IMMP2L: variants seen among roughly 807,000 people sequenced by gnomAD.
IMMP2L encodes mitochondrial inner membrane protease subunit 2.
A neutral mutation model predicts 19.3 loss-of-function variants in IMMP2L; 18 were observed. The ratio of observed to expected loss-of-function variants is 0.93; its 90% CI spans 0.64 to 1.38. The LOEUF (loss-of-function observed/expected upper bound fraction) is 1.38. Among genes scored for constraint, IMMP2L ranks in the 40% most tolerant of loss-of-function variants. The pLI is 0.00. For synonymous variants in IMMP2L, 76 were observed against 73.0 expected (o/e 1.04, Z -0.21); for missense variants, 233 against 218.2 (o/e 1.07, Z -0.43).
intron 4 of IMMP2L, among the ~76,000 whole-genome samples, chr7:110,923,050 C>T (rs551372264): frequency 6.6e-6 from 1 of 152,216 alleles, no homozygotes; most frequent in East Asian, 1.9e-4. Context: ...GTGCCTATGG[C>T]TAGGCCCCAG....
intron 3 of IMMP2L, among the ~76,000 whole-genome samples, chr7:111,166,568 G>C (rs371297062): frequency 6.6e-6 from 1 of 151,820 alleles, no homozygotes; most frequent in Non-Finnish European, 1.5e-5. Flanking sequence ...TGGTTAATTC[G>C]TGCCCCACAC....
intron 4 of IMMP2L, among the ~76,000 whole-genome samples, chr7:110,936,173 G>A (rs1220545120): frequency 2.0e-5 from 3 of 152,074 alleles, no homozygotes; most frequent in Admixed American, 1.3e-4. Flanking sequence ...CAAAAGCAAT[G>A]GCAACAGAAG....
At chr7:110,915,282 C>T (rs1262158199) in intron 4 of IMMP2L, among the ~76,000 whole-genome samples, 2 of 152,126 alleles carry the variant, frequency 1.3e-5, no homozygotes, top group Non-Finnish European at 2.9e-5. Flanking sequence ...TATTATTCAG[C>T]CATAAAAAAG....
At chr7:110,805,219 A>G (rs970946698) in intron 5 of IMMP2L, among the ~76,000 whole-genome samples, 3 of 152,146 alleles carry the variant, frequency 2.0e-5, no homozygotes, top group Admixed American at 1.3e-4. Flanking sequence ...ATAAATTAAC[A>G]TTTAATAGAA....
chr7:111,059,923 GAA>G (rs36062072), intron 3 of IMMP2L, among the ~76,000 whole-genome samples: 35 of 138,046 alleles, frequency 2.5e-4, no homozygotes, highest in East Asian at 1.1e-3. Context: ...GCCTAATTGT[GAA>G]AAAAAAAAAA....
chr7:111,343,925 T>C (rs1827278153), intron 3 of IMMP2L, among the ~76,000 whole-genome samples: 1 of 152,092 alleles, frequency 6.6e-6, no homozygotes, highest in South Asian at 2.1e-4. Context: ...ATCGTGGTCA[T>C]TGTTTCTTCT....
chr7:111,475,409 CT>C (rs971290702), intron 3 of IMMP2L, among the ~76,000 whole-genome samples: 18 of 148,442 alleles, frequency 1.2e-4, no homozygotes, highest in African/African-American at 2.7e-4. Flanking sequence ...AAAACAGTGC[CT>C]TTTTTTTTTC....
Position 110,930,175 on chromosome 7 carries a change from G to A in IMMP2L, c.305+33325C>T, listed in dbSNP as rs564768107. 1.6e-4 allele frequency among the ~76,000 whole-genome samples: 25 copies of A among 152,256 alleles called. No individual in the cohort carries two copies. In the East Asian group the frequency reaches 3.1e-3, roughly 19 times the overall value. On this transcript the variant is annotated intron_variant, in intron 4 of 5. Transcript: ENST00000405709. ...AACAATGAAACTTCATTATTCTGCTGAAGCCTTTACTTCCTTTTCATATGT... is the reference window on the plus strand; with the variant it reads ...AACAATGAAACTTCATTATTCTGCTAAAGCCTTTACTTCCTTTTCATATGT...
rs1434447358 is a variant in IMMP2L at position 110,758,737 on chromosome 7, C to G, written c.409-95016G>C. ...CACTGATGAGCTCCAAGACCCCAGA[C>G]AAAAACATCCAACCTTTGTGAGACT... On this transcript the variant is annotated intron_variant, in intron 5 of 5. Coordinates refer to ENST00000405709, the MANE Select transcript of IMMP2L (RefSeq NM_032549.4). This position sits in a 1 kb window ranked among gnomAD's most constrained non-coding sequence, Gnocchi z 4.6. 6.6e-6 allele frequency among the ~76,000 whole-genome samples: 1 copy of G among 152,118 alleles called. No homozygotes were observed. Among genetic ancestry groups the G allele is most frequent in the Non-Finnish European group, 1.5e-5 (1 of 68,016 alleles).
chr7:110,840,909 A>C (rs1805017370), intron 5 of IMMP2L, among the ~76,000 whole-genome samples: 1 of 152,072 alleles, frequency 6.6e-6, no homozygotes, highest in African/African-American at 2.4e-5. Flanking sequence ...TATTAATTAT[A>C]CATTTTGGCA....
intron 4 of IMMP2L, among the ~76,000 whole-genome samples, chr7:110,947,719 T>C (rs1704944122): frequency 6.6e-6 from 1 of 152,152 alleles, no homozygotes; most frequent in Admixed American, 6.5e-5. Flanking sequence ...CTTTTTGATG[T>C]ATGTAAAATT....
chr7:111,443,686 C>T (rs1837981094), intron 3 of IMMP2L, among the ~76,000 whole-genome samples: 1 of 152,148 alleles, frequency 6.6e-6, no homozygotes, highest in South Asian at 2.1e-4. Flanking sequence ...TGAAAAGGTG[C>T]AATTATTAAA....
intron 3 of IMMP2L, among the ~76,000 whole-genome samples, chr7:111,389,563 G>T (rs2131313369): frequency 6.6e-6 from 1 of 152,012 alleles, no homozygotes; most frequent in Admixed American, 6.6e-5. Context: ...TAATAATAAT[G>T]TGTAATGGTA....
chr7:111,396,742 T>G (rs1226511115), intron 3 of IMMP2L, among the ~76,000 whole-genome samples: 1 of 152,136 alleles, frequency 6.6e-6, no homozygotes, highest in Non-Finnish European at 1.5e-5. Context: ...CAATATACAA[T>G]GCTAGTCTGT....
At chr7:111,486,249 T>C (rs1842645655) in intron 3 of IMMP2L, among the ~76,000 whole-genome samples, 1 of 152,196 alleles carries the variant, frequency 6.6e-6, no homozygotes, top group Admixed American at 6.5e-5. Context: ...ACTGGTAGAA[T>C]AGTCTGAAAG....
chr7:110,994,347 C>G (rs1347426418), intron 3 of IMMP2L, among the ~76,000 whole-genome samples: 2 of 152,062 alleles, frequency 1.3e-5, no homozygotes, highest in African/African-American at 4.8e-5. Flanking sequence ...AGTGTCTGCT[C>G]TCGTGTTCTT....
At chr7:110,837,632 T>TA (rs557825319) in intron 5 of IMMP2L, among the ~76,000 whole-genome samples, 223 of 151,958 alleles carry the variant, frequency 1.5e-3, no homozygotes, top group African/African-American at 5.2e-3. Flanking sequence ...CGCCATCATT[T>TA]AAAAAAAATA....
Position 111,100,805 on chromosome 7 carries a change from G to A in IMMP2L, c.240-137240C>T, listed in dbSNP as rs527599821. 2.8e-4 allele frequency among the ~76,000 whole-genome samples: 42 copies of A among 151,594 alleles called. 1 individual carries two copies. The East Asian group carries it at 7.0e-3, about 25-fold the overall frequency. ...TCTAAGATCTTTATCATTTCTTAGG[G>A]AATGGAAATCAGTAATGAAATAAGG... On this transcript the variant is annotated intron_variant, in intron 3 of 5. Coordinates refer to ENST00000405709, the MANE Select transcript of IMMP2L (RefSeq NM_032549.4).
At chr7:111,224,165 G>A (rs1419988743) in intron 3 of IMMP2L, among the ~76,000 whole-genome samples, 2 of 152,048 alleles carry the variant, frequency 1.3e-5, no homozygotes, top group Non-Finnish European at 2.9e-5. Flanking sequence ...CACAGGACTG[G>A]TGTGATGGCC....
Sources: allele counts gnomAD v4.1 joint callset (sites outside exome capture counted in the v4.1 genomes callset), GRCh38; gene constraint gnomAD v4.1.1; non-coding constraint Gnocchi (gnomAD v3.1); transcripts MANE v1.5; gene names NCBI Gene and HGNC (gene_info 2026-07-23, HGNC 2026-07-21).